The following LIPC variants were observed in gnomAD, a reference collection of about 807,000 sequenced individuals.
The protein encoded by LIPC is hepatic triacylglycerol lipase.
Under a neutral mutation model 50.7 loss-of-function variants are expected in LIPC, and 44 were observed. That is an observed-to-expected ratio of 0.87 (90% CI 0.68 to 1.11). The LOEUF is 1.11. Ranked by LOEUF, LIPC falls within the 50% of genes most tolerant of loss-of-function variation. The probability of loss-of-function intolerance (pLI) is 0.00; values close to 1 mark genes in which losing one functional copy is unlikely to be tolerated. For synonymous variants in LIPC, 271 were observed against 256.4 expected, an observed-to-expected ratio of 1.06 and a Z score of -0.54; for missense variants, 697 against 648.2, an observed-to-expected ratio of 1.08 and a Z score of -0.82.
At chr15:58,518,030 C>T (rs1417552698) in intron 1 of LIPC, among the ~76,000 whole-genome samples, 1 of 152,212 alleles carries the variant, frequency 6.6e-6, no homozygotes, top group Non-Finnish European at 1.5e-5. Flanking sequence ...AAGGGAACAG[C>T]CACCAACTTC....
At chr15:58,486,569 G>A (rs572955534) in intron 1 of LIPC, among the ~76,000 whole-genome samples, 10 of 152,346 alleles carry the variant, frequency 6.6e-5, no homozygotes, top group African/African-American at 2.4e-4. Flanking sequence ...ACCAGGTTGT[G>A]TGGTCAATGT....
intron 1 of LIPC, among the ~76,000 whole-genome samples, chr15:58,483,822 G>C (rs1177791408): frequency 1.3e-5 from 2 of 152,038 alleles, no homozygotes; most frequent in African/African-American, 4.8e-5. Flanking sequence ...AGAAAACTTA[G>C]TATTTTCTAA....
rs187462066 is a variant in LIPC at position 58,465,998 on chromosome 15, T to C, written c.88+33878T>C. Among the ~76,000 whole-genome samples, 511 of 152,368 alleles carry C rather than the reference T, an allele frequency of 3.4e-3. 16 individuals are homozygous for C. The highest frequency in any genetic ancestry group is 0.03 in the Admixed American group (466 of 15,308). On this transcript the variant is annotated intron_variant, in intron 1 of 8. Transcript: ENST00000299022. ...GCCCCATCTCCTGATGATTCAGTGC[T>C]AGTTCTAAAATAGGAAAACTTACTT...
At chr15:58,489,551 C>T (rs1214599983) in intron 1 of LIPC, among the ~76,000 whole-genome samples, 1 of 151,870 alleles carries the variant, frequency 6.6e-6, no homozygotes, top group Non-Finnish European at 1.5e-5. Context: ...GGGTGGGGGC[C>T]CCAAGACTGG....
At chr15:58,547,632 T>TA (rs60995762) in intron 5 of LIPC, among the ~76,000 whole-genome samples, 6,444 of 141,012 alleles carry the variant, frequency 0.046, 277 homozygotes, top group Admixed American at 0.11. Flanking sequence ...TTTGGAGAGT[T>TA]AAAAAAAAAA....
intron 1 of LIPC, among the ~76,000 whole-genome samples, chr15:58,452,264 C>T (rs373505489): frequency 3.3e-5 from 5 of 152,160 alleles, no homozygotes; most frequent in Non-Finnish European, 5.9e-5. Flanking sequence ...GTATGGGGCC[C>T]GGCAGTCTGG....
intron 1 of LIPC, chr15:58,494,873 C>T (rs1381303195): frequency 8.8e-6 from 4 of 456,028 alleles, no homozygotes. Context: ...TCCTTAGCAA[C>T]CCTGGTTTTT....
In LIPC at chr15:58,443,127, G is replaced by A. The variant is rs146079723; in HGVS notation, c.88+11007G>A. Among the ~76,000 whole-genome samples, 1,057 of 152,216 alleles carry A rather than the reference G, an allele frequency of 6.9e-3. 13 individuals are homozygous for A. The highest frequency in any genetic ancestry group is 0.024 in the African/African-American group (978 of 41,526). ...GGGGTTTCTCCATGTTGGCCAGGCT[G>A]GTCTTGAACTCCTGCCTCAAGTGAT... On this transcript the variant is annotated intron_variant, in intron 1 of 8. Coordinates refer to ENST00000299022, the MANE Select transcript of LIPC (RefSeq NM_000236.3).
intron 1 of LIPC, among the ~76,000 whole-genome samples, chr15:58,460,389 G>C (rs1336472098): frequency 1.3e-5 from 2 of 152,344 alleles, no homozygotes; most frequent in East Asian, 3.9e-4. Flanking sequence ...GGTGAAGGCT[G>C]GATGGGAGGC....
intron 1 of LIPC, among the ~76,000 whole-genome samples, chr15:58,469,769 C>G (rs1253023201): frequency 6.6e-6 from 1 of 152,142 alleles, no homozygotes; most frequent in Non-Finnish European, 1.5e-5. Context: ...CCAGTGGATT[C>G]CAGTTACTAA....
intron 1 of LIPC, among the ~76,000 whole-genome samples, chr15:58,458,717 G>A (rs1172510833): frequency 6.6e-6 from 1 of 152,148 alleles, no homozygotes; most frequent in Non-Finnish European, 1.5e-5. Flanking sequence ...CTTGCCAGCA[G>A]AATCTGGTCA....
chr15:58,451,437 C>A (rs1244991793), intron 1 of LIPC, among the ~76,000 whole-genome samples: 2 of 152,108 alleles, frequency 1.3e-5, no homozygotes, highest in East Asian at 1.9e-4. Flanking sequence ...CGCTCCCCAC[C>A]CCCTTCTCCC....
At chr15:58,485,317 G>A (rs954150893) in intron 1 of LIPC, among the ~76,000 whole-genome samples, 1 of 152,182 alleles carries the variant, frequency 6.6e-6, no homozygotes, top group African/African-American at 2.4e-5. Context: ...TATGCTGCAT[G>A]TTTGCTTATG....
chr15:58,528,915 T>C (rs991992218), intron 1 of LIPC, among the ~76,000 whole-genome samples: 11 of 152,208 alleles, frequency 7.2e-5, no homozygotes, highest in Non-Finnish European at 7.3e-5. Context: ...TGTCCCTACC[T>C]GCCAGGGCAC....
chr15:58,566,474 A>G, intron 8 of LIPC: 2 of 984,738 alleles, frequency 2.0e-6, no homozygotes, highest in Non-Finnish European at 2.4e-6. Context: ...GAGACTAATA[A>G]CAACTACTAA....
Position 58,523,563 on chromosome 15 carries a change from A to G in LIPC, c.89-14770A>G, listed in dbSNP as rs16940442. Among the ~76,000 whole-genome samples the G allele has an allele frequency of 3.5e-3, 533 of 152,088 alleles. 5 individuals are homozygous for G. Among genetic ancestry groups the G allele is most frequent in the African/African-American group, 0.012 (510 of 41,448 alleles). ...CTGCAGGGGTAGGTGAACAGCATCC[A>G]GAGAAATAGTTATCATGGAAAGTGC... On this transcript the variant is annotated intron_variant, in intron 1 of 8. Coordinates refer to ENST00000299022, the MANE Select transcript of LIPC (RefSeq NM_000236.3).
At chr15:58,554,618 G>A (rs12595265) in intron 6 of LIPC, among the ~76,000 whole-genome samples, 2 of 151,596 alleles carry the variant, frequency 1.3e-5, no homozygotes, top group African/African-American at 4.9e-5. Flanking sequence ...ATTAGGACTG[G>A]GTGTGGCGGC....
At chr15:58,535,185 C>A (rs1202360514) in intron 1 of LIPC, among the ~76,000 whole-genome samples, 1 of 152,216 alleles carries the variant, frequency 6.6e-6, no homozygotes, top group African/African-American at 2.4e-5. Context: ...TGCAACACAG[C>A]AACCACTTTT....
chr15:58,487,226 A>C (rs1477459577), intron 1 of LIPC, among the ~76,000 whole-genome samples: 1 of 152,170 alleles, frequency 6.6e-6, no homozygotes, highest in African/African-American at 2.4e-5. Flanking sequence ...CAGCTGCGCC[A>C]CTTCATAACT....
Sources: allele counts gnomAD v4.1 joint callset (sites outside exome capture counted in the v4.1 genomes callset), GRCh38; gene constraint gnomAD v4.1.1; transcripts MANE v1.5; gene names NCBI Gene and HGNC (gene_info 2026-07-23, HGNC 2026-07-21).